Variants in PINX1 observed in about 807,000 individuals in gnomAD.
PINX1 encodes PIN2 (TERF1) interacting telomerase inhibitor 1.
A neutral mutation model predicts 25.4 loss-of-function variants in PINX1; 34 were observed. The ratio of observed to expected loss-of-function variants is 1.34; its 90% confidence interval spans 1.02 to 1.78. The LOEUF is 1.78. Ranked by LOEUF, PINX1 falls within the 40% of genes most tolerant of loss-of-function variation. The probability of loss-of-function intolerance (pLI) is 0.00; values close to 1 mark genes in which losing one functional copy is unlikely to be tolerated. For synonymous variants in PINX1, 197 were observed against 147.7 expected (o/e 1.33, Z -2.42); for missense variants, 592 against 404.9 (o/e 1.46, Z -3.97).
chr8:10,807,950 C>G (rs1362425424), intron 6 of PINX1, among the ~76,000 whole-genome samples: 1 of 152,180 alleles, frequency 6.6e-6, no homozygotes, highest in Admixed American at 6.5e-5. Context: ...GACAGATGAT[C>G]TGATGCAGCT....
intron 6 of PINX1, among the ~76,000 whole-genome samples, chr8:10,766,336 C>T (rs907099862): frequency 2.0e-5 from 3 of 152,176 alleles, no homozygotes; most frequent in Non-Finnish European, 2.9e-5. Context: ...TGTTAGACAC[C>T]GATTTCATCT....
intron 6 of PINX1, among the ~76,000 whole-genome samples, chr8:10,769,268 T>C (rs148985586): frequency 3.7e-3 from 567 of 152,316 alleles, no homozygotes; most frequent in Admixed American, 7.4e-3. Context: ...AAACCGTGAT[T>C]ACTTTTGCAC....
Position 10,811,880 on chromosome 8 carries a change from C to T in PINX1, c.471+8313G>A, listed in dbSNP as rs376602508. 1.2e-3 allele frequency among the ~76,000 whole-genome samples: 183 copies of T among 152,288 alleles called. 3 individuals carry two copies. In the South Asian group the frequency reaches 0.034, roughly 28 times the overall value. On this transcript the variant is annotated intron_variant, in intron 6 of 6. Coordinates refer to ENST00000314787, the MANE Select transcript of PINX1 (RefSeq NM_017884.6). ...GGCTACAAGCAAGTTCCAGGCCCAC[C>T]TGGGTAGAGGGGAGGGGGCCAGACT...
chr8:10,838,119 A>G (rs900469622), intron 1 of PINX1, among the ~76,000 whole-genome samples: 6 of 152,198 alleles, frequency 3.9e-5, no homozygotes, highest in African/African-American at 7.2e-5. Context: ...CTGACCACAT[A>G]GCAGGTTGGA....
At chr8:10,831,533 A>C in intron 4 of PINX1, 132 bp downstream of exon 4, 2 of 647,864 alleles carry the variant, frequency 3.1e-6, no homozygotes, top group African/African-American at 3.6e-5. Flanking sequence ...CAAATTGTGC[A>C]CAGGTATTGA....
At chr8:10,792,490 G>A (rs752444) in intron 6 of PINX1, among the ~76,000 whole-genome samples, 1 of 152,072 alleles carries the variant, frequency 6.6e-6, no homozygotes, top group Non-Finnish European at 1.5e-5. Context: ...TGAAGGGACA[G>A]ACTGTGCCTC....
chr8:10,823,890 T>G (rs1412660391), intron 5 of PINX1, among the ~76,000 whole-genome samples: 1 of 152,184 alleles, frequency 6.6e-6, no homozygotes, highest in Non-Finnish European at 1.5e-5. Context: ...TACAACACTA[T>G]TTGCTACTGT....
intron 4 of PINX1, among the ~76,000 whole-genome samples, chr8:10,827,505 C>T (rs1798088980): frequency 6.6e-6 from 1 of 152,076 alleles, no homozygotes. Flanking sequence ...TCACCTGTAT[C>T]TGCTTGTCAA....
chr8:10,772,864 T>C (rs988754960), intron 6 of PINX1, among the ~76,000 whole-genome samples: 7 of 152,164 alleles, frequency 4.6e-5, no homozygotes, highest in Admixed American at 4.6e-4. Flanking sequence ...TCTGCAGGGG[T>C]TCCAGAGGGT....
At chr8:10,806,715 C>A (rs1037735210) in intron 6 of PINX1, among the ~76,000 whole-genome samples, 2 of 152,108 alleles carry the variant, frequency 1.3e-5, no homozygotes, top group African/African-American at 4.8e-5. Context: ...GAAGGTATAA[C>A]CCCTGGAAAA....
chr8:10,771,557 G>T (rs953671019), intron 6 of PINX1, among the ~76,000 whole-genome samples: 1 of 152,178 alleles, frequency 6.6e-6, no homozygotes, highest in Non-Finnish European at 1.5e-5. Context: ...TGTTGCATTT[G>T]TATTCATACA....
At chr8:10,790,710 C>A (rs1455205310) in intron 6 of PINX1, among the ~76,000 whole-genome samples, 1 of 152,176 alleles carries the variant, frequency 6.6e-6, no homozygotes, top group Non-Finnish European at 1.5e-5. Flanking sequence ...CCTCTACCTG[C>A]CTGCCTCAGT....
intron 6 of PINX1, among the ~76,000 whole-genome samples, chr8:10,807,303 A>T (rs1010596328): frequency 1.5e-5 from 2 of 129,266 alleles, no homozygotes; most frequent in Non-Finnish European, 3.4e-5. Flanking sequence ...GTTGGAAAAT[A>T]AAAATCAAGA....
At chr8:10,772,463 T>A (rs901935062) in intron 6 of PINX1, among the ~76,000 whole-genome samples, 1 of 152,242 alleles carries the variant, frequency 6.6e-6, no homozygotes, top group Non-Finnish European at 1.5e-5. Context: ...GTGGTTTCCA[T>A]GTAACTGAAA....
chr8:10,796,953 T>C (rs139872075), intron 6 of PINX1, among the ~76,000 whole-genome samples: 1 of 151,912 alleles, frequency 6.6e-6, no homozygotes, highest in Non-Finnish European at 1.5e-5. Flanking sequence ...ACACTGATGG[T>C]TCCAAGGAAC....
At chr8:10,800,858 T>C (rs1314128318) in intron 6 of PINX1, among the ~76,000 whole-genome samples, 1 of 152,116 alleles carries the variant, frequency 6.6e-6, no homozygotes, top group Non-Finnish European at 1.5e-5. Context: ...CCTCAGACCA[T>C]ACCACTTGAT....
At position 10,834,387 on chromosome 8, in the gene PINX1, C is replaced by T. The variant is rs1798329047; in HGVS notation, c.129+279G>A. On this transcript the variant is annotated intron_variant, in intron 2 of 6. Coordinates refer to ENST00000314787, the MANE Select transcript of PINX1 (RefSeq NM_017884.6). ...TTAAGTGTAGAGGTATCAGCAGAGG[C>T]TCTACTGGAGTCAAGAATAAATGGA... 3 of 372,748 alleles carry T rather than the reference C, an allele frequency of 8.0e-6. No homozygotes were observed. The South Asian group carries it at 1.1e-4, about 14-fold the overall frequency. 23.1% of individuals were successfully genotyped at this position (372,748 alleles called of 1,614,324 possible).
chr8:10,780,832 T>C (rs1166827387), intron 6 of PINX1, among the ~76,000 whole-genome samples: 1 of 152,188 alleles, frequency 6.6e-6, no homozygotes. Context: ...ACGGCATTCT[T>C]AATAGAAATA....
intron 6 of PINX1, among the ~76,000 whole-genome samples, chr8:10,789,885 G>C (rs1801869548): frequency 6.6e-6 from 1 of 152,098 alleles, no homozygotes; most frequent in South Asian, 2.1e-4. Context: ...CTATGTACAG[G>C]TCATGGTTTC....
Sources: allele counts gnomAD v4.1 joint callset (sites outside exome capture counted in the v4.1 genomes callset), GRCh38; gene constraint gnomAD v4.1.1; transcripts MANE v1.5; gene names NCBI Gene and HGNC (gene_info 2026-07-23, HGNC 2026-07-21).